The following BMP6 variants were observed in gnomAD, a reference collection of about 807,000 sequenced individuals.
BMP6 encodes the protein VG-1-R.
In BMP6, 17 loss-of-function variants were observed where a neutral mutation model predicts 54.1. That is an observed-to-expected ratio of 0.31 (90% CI 0.22 to 0.47). The LOEUF is 0.47. Ranked by LOEUF, BMP6 falls within the 20% of genes least tolerant of loss-of-function variation. The pLI, the probability that BMP6 is intolerant of heterozygous loss-of-function variation, is 1.00. For synonymous variants in BMP6, 328 were observed against 291.2 expected, an observed-to-expected ratio of 1.13 and a Z score of -1.28; for missense variants, 720 against 690.4, an observed-to-expected ratio of 1.04 and a Z score of -0.48.
At chr6:7,769,245 G>T (rs909420253) in intron 1 of BMP6, among the ~76,000 whole-genome samples, 1 of 152,214 alleles carries the variant, frequency 6.6e-6, no homozygotes, top group East Asian at 1.9e-4. Flanking sequence ...GCTCTTCAGA[G>T]CCCAGACTTA....
intron 4 of BMP6, among the ~76,000 whole-genome samples, chr6:7,870,946 GTTC>G (rs1759514824): frequency 6.6e-6 from 1 of 152,190 alleles, no homozygotes; most frequent in Admixed American, 6.5e-5. Flanking sequence ...GATCTTTAGA[GTTC>G]ATCTCCATCC....
At chr6:7,815,345 A>G (rs143301807) in intron 1 of BMP6, among the ~76,000 whole-genome samples, 8 of 152,350 alleles carry the variant, frequency 5.3e-5, no homozygotes, top group Non-Finnish European at 1.0e-4. Flanking sequence ...CTTCTGAATA[A>G]AAAATATCTG....
Position 7,727,244 on chromosome 6 carries a change from C to G in BMP6, c.289C>G (p.His97Asp). ...GCTCCCGCACCGGCCCCGGCCCCTG[C>G]ACGGCCTCCAACAGCCGCAGCCCCC... The part of the protein sequence containing the change: ...LGLPHRPRPL[H>D]GLQQPQPPAL... The change falls in exon 1 of 7, where the codon CAC becomes GAC. Residue 97 changes from histidine to aspartate, a missense_variant. Around this residue, in one of 3 missense-constraint regions of BMP6, gnomAD observed 650 missense variants for 556.3 expected, o/e 1.17. Coordinates refer to ENST00000283147, the MANE Select transcript of BMP6 (RefSeq NM_001718.6). 6.2e-7 allele frequency: 1 copy of G among 1,606,560 alleles called. No homozygotes were observed. Among genetic ancestry groups the G allele is most frequent in the Admixed American group, 1.7e-5 (1 of 59,450 alleles).
chr6:7,776,349 C>A (rs1757860894), intron 1 of BMP6, among the ~76,000 whole-genome samples: 1 of 152,156 alleles, frequency 6.6e-6, no homozygotes, highest in African/African-American at 2.4e-5. Context: ...TTTATAGAGA[C>A]TTTGATTTAA....
chr6:7,871,965 AC>A, intron 4 of BMP6, among the ~76,000 whole-genome samples: 1 of 144,684 alleles, frequency 6.9e-6, no homozygotes, highest in East Asian at 2.0e-4. Flanking sequence ...GGCACAGGCC[AC>A]CTACAAGTCA....
At chr6:7,791,910 T>A (rs184612613) in intron 1 of BMP6, among the ~76,000 whole-genome samples, 294 of 152,256 alleles carry the variant, frequency 1.9e-3, no homozygotes, top group Non-Finnish European at 3.6e-3. Context: ...TACTTAAGAA[T>A]CAAAAACCCT....
rs896898128 is a variant in BMP6 at position 7,810,883 on chromosome 6, C to T, written c.665-34257C>T. On this transcript the variant is annotated intron_variant, in intron 1 of 6. Coordinates refer to ENST00000283147, the MANE Select transcript of BMP6 (RefSeq NM_001718.6). ...CTGAGAGGAAACATCCTTAGCTACA[C>T]GATCCTGTGGGTATGACAACAGTGG... Among the ~76,000 whole-genome samples, 7 of 152,304 alleles carry T rather than the reference C, an allele frequency of 4.6e-5. No homozygotes were observed. In the South Asian group the frequency reaches 1.2e-3, roughly 27 times the overall value.
chr6:7,807,575 G>A (rs777133030), intron 1 of BMP6, among the ~76,000 whole-genome samples: 4 of 152,128 alleles, frequency 2.6e-5, no homozygotes, highest in South Asian at 4.1e-4. Flanking sequence ...CCACGCGCCC[G>A]GCCGGGACCT....
chr6:7,749,352 A>G (rs35557271), intron 1 of BMP6, among the ~76,000 whole-genome samples: 19,354 of 152,198 alleles, frequency 0.13, 1,461 homozygotes, highest in East Asian at 0.3. Flanking sequence ...TCTTTATCAT[A>G]TGGTATTTAG....
At chr6:7,861,658 C>T in intron 3 of BMP6, 59 bp downstream of exon 3, 3 of 1,598,164 alleles carry the variant, frequency 1.9e-6, no homozygotes, top group Non-Finnish European at 2.6e-6. Flanking sequence ...ACACATTTCC[C>T]TTACAGCAGT....
intron 1 of BMP6, among the ~76,000 whole-genome samples, chr6:7,803,660 C>T (rs75165580): frequency 3.3e-5 from 5 of 152,238 alleles, no homozygotes; most frequent in Non-Finnish European, 7.4e-5. Context: ...GTAGTTTTCT[C>T]GGCCCAGATG....
intron 1 of BMP6, among the ~76,000 whole-genome samples, chr6:7,787,291 G>A (rs936751338): frequency 1.3e-5 from 2 of 152,134 alleles, no homozygotes; most frequent in Non-Finnish European, 1.5e-5. Context: ...CTCTGGAAGC[G>A]CCTGAGTGAG....
At chr6:7,732,734 C>A (rs56339627) in intron 1 of BMP6, among the ~76,000 whole-genome samples, 18,017 of 152,164 alleles carry the variant, frequency 0.12, 1,309 homozygotes, top group East Asian at 0.17. Flanking sequence ...GATAGCAGCT[C>A]TGCTGTCTTT....
intron 2 of BMP6, among the ~76,000 whole-genome samples, chr6:7,846,804 T>C (rs553520948): frequency 6.6e-6 from 1 of 152,234 alleles, no homozygotes; most frequent in African/African-American, 2.4e-5. Flanking sequence ...TCAGAGATAA[T>C]TGGTATTCAC....
chr6:7,786,066 CG>C (rs1353188711), intron 1 of BMP6, among the ~76,000 whole-genome samples: 27 of 152,324 alleles, frequency 1.8e-4, no homozygotes, highest in African/African-American at 5.1e-4. Flanking sequence ...GCAGAAGCCC[CG>C]GCCTCCTAGT....
At chr6:7,788,303 A>G (rs1449523379) in intron 1 of BMP6, among the ~76,000 whole-genome samples, 1 of 152,204 alleles carries the variant, frequency 6.6e-6, no homozygotes, top group Non-Finnish European at 1.5e-5. Context: ...ACCAAGAGTC[A>G]TCATATGCAT....
chr6:7,876,423 C>A (rs1474815195), intron 4 of BMP6, among the ~76,000 whole-genome samples: 1 of 152,190 alleles, frequency 6.6e-6, no homozygotes. Context: ...GTCATTATGT[C>A]TTCAAATACT....
chr6:7,776,587 A>G (rs897668695), intron 1 of BMP6, among the ~76,000 whole-genome samples: 2 of 152,148 alleles, frequency 1.3e-5, no homozygotes, highest in Admixed American at 6.5e-5. Context: ...ACTTGTTCCT[A>G]TGTGTGTCAT....
chr6:7,815,793 G>A (rs1758516630), intron 1 of BMP6, among the ~76,000 whole-genome samples: 2 of 152,196 alleles, frequency 1.3e-5, no homozygotes, highest in Admixed American at 6.5e-5. Flanking sequence ...AACAGTGGGC[G>A]TTTAACAGTA....
Sources: allele counts gnomAD v4.1 joint callset (sites outside exome capture counted in the v4.1 genomes callset), GRCh38; gene constraint gnomAD v4.1.1; regional missense constraint gnomAD v4.1.1; transcripts MANE v1.5; gene names NCBI Gene and HGNC (gene_info 2026-07-23, HGNC 2026-07-21).